The following CLSTN1 variants were observed in gnomAD, a reference collection of about 807,000 sequenced individuals.
CLSTN1 encodes the protein calsyntenin 1, also known as calsyntenin-1.
CLSTN1 carries 28 observed loss-of-function variants against 108.3 expected under a neutral mutation model. The observed-to-expected ratio is 0.26, with a 90% CI of 0.19 to 0.35. CLSTN1 has a LOEUF of 0.35. Ranked by LOEUF, CLSTN1 falls within the 10% of genes least tolerant of loss-of-function variation. The probability of loss-of-function intolerance (pLI) is 1.00; values close to 1 mark genes in which losing one functional copy is unlikely to be tolerated. For missense variants in CLSTN1, 1,157 were observed against 1,302.6 expected (o/e 0.89, Z 1.72); for synonymous variants, 524 against 534.9 (o/e 0.98, Z 0.28).
chr1:9,743,736 T>C (rs1651097611), intron 9 of CLSTN1, 148 bp downstream of exon 9: 1 of 840,734 alleles, frequency 1.2e-6, no homozygotes, highest in Non-Finnish European at 1.8e-6. Flanking sequence ...TTTTTTTTTT[T>C]TGTAGGGACA....
intron 2 of CLSTN1, among the ~76,000 whole-genome samples, chr1:9,766,159 T>C (rs1486402686): frequency 6.6e-6 from 1 of 152,152 alleles, no homozygotes; most frequent in African/African-American, 2.4e-5. Context: ...GTTCAACCAA[T>C]CTTGTAAAAC....
intron 2 of CLSTN1, among the ~76,000 whole-genome samples, chr1:9,771,992 T>C (rs1229546889): frequency 1.3e-5 from 2 of 151,718 alleles, no homozygotes; most frequent in Non-Finnish European, 2.9e-5. Flanking sequence ...TTTTTTTTTT[T>C]CTGAGACAGA....
chr1:9,735,362 A>C (rs759514749), intron 13 of CLSTN1, 105 bp downstream of exon 13: 4 of 1,507,492 alleles, frequency 2.7e-6, no homozygotes, highest in Non-Finnish European at 3.7e-6. Context: ...CTGGTTACAC[A>C]CGATGGCTCA....
chr1:9,760,045 A>T (rs1202616810), intron 2 of CLSTN1, among the ~76,000 whole-genome samples: 1 of 152,170 alleles, frequency 6.6e-6, no homozygotes, highest in African/African-American at 2.4e-5. Context: ...AGGTCTCTCC[A>T]TAGGTAAGTG....
chr1:9,760,280 C>A (rs1181459626), intron 2 of CLSTN1, among the ~76,000 whole-genome samples: 1 of 152,132 alleles, frequency 6.6e-6, no homozygotes, highest in African/African-American at 2.4e-5. Context: ...ACTTAAAAAA[C>A]CAACTCGCCA....
At chr1:9,754,082 T>C (rs1052729180) in intron 4 of CLSTN1, among the ~76,000 whole-genome samples, 4 of 152,130 alleles carry the variant, frequency 2.6e-5, no homozygotes, top group Non-Finnish European at 2.9e-5. Context: ...GCTGGGATTA[T>C]AGGTGTGAGC....
Position 9,730,236 on chromosome 1 carries a change from G to T in CLSTN1, c.*272C>A, listed in dbSNP as rs527906257. ...CCGGGGGGAGACTCCAGACACAAAC[G>T]CGGGGCCTGAGGCGCTGGGAGGCCC... On this transcript the variant is annotated 3_prime_UTR_variant, in exon 19 of 19. Coordinates refer to ENST00000377298, the MANE Select transcript of CLSTN1 (RefSeq NM_001009566.3). The surrounding 1 kb of genome is among the most constrained non-coding windows in gnomAD (Gnocchi z 5.6). 5 of 538,600 alleles carry T rather than the reference G, an allele frequency of 9.3e-6. No individual in the cohort carries two copies. Among genetic ancestry groups the T allele is most frequent in the South Asian group, 4.4e-5 (2 of 45,660 alleles). The allele number at this position is 538,600 out of a possible 1,614,324, so 33.4% of individuals were successfully genotyped here. A position where few individuals can be genotyped will look rare whatever the true frequency, so the allele number is the denominator to read the frequency against.
chr1:9,818,969 T>TC, intron 1 of CLSTN1, among the ~76,000 whole-genome samples: 1 of 150,048 alleles, frequency 6.7e-6, no homozygotes, highest in Non-Finnish European at 1.5e-5. Flanking sequence ...TGTATTTTTT[T>TC]TTAGTAGAGA....
At chr1:9,793,045 T>A (rs1357565551) in intron 1 of CLSTN1, among the ~76,000 whole-genome samples, 1 of 151,250 alleles carries the variant, frequency 6.6e-6, no homozygotes, top group African/African-American at 2.4e-5. Context: ...AGAGTCTCAA[T>A]CTGTCCGCCC....
intron 1 of CLSTN1, among the ~76,000 whole-genome samples, chr1:9,794,603 C>A (rs981348544): frequency 2.0e-5 from 3 of 151,510 alleles, no homozygotes; most frequent in Non-Finnish European, 4.4e-5. Context: ...ACCACCACGT[C>A]TGGCCTTCAA....
intron 2 of CLSTN1, among the ~76,000 whole-genome samples, chr1:9,763,389 A>C (rs1652178948): frequency 6.6e-6 from 1 of 152,230 alleles, no homozygotes; most frequent in South Asian, 2.1e-4. Flanking sequence ...ACGCTTGTTA[A>C]AAATGTGGTT....
chr1:9,817,919 G>A (rs1655038317), intron 1 of CLSTN1, among the ~76,000 whole-genome samples: 1 of 151,976 alleles, frequency 6.6e-6, no homozygotes, highest in Non-Finnish European at 1.5e-5. Flanking sequence ...CTGACACAGT[G>A]GGGAGGCTGT....
At chr1:9,731,634 G>T in intron 17 of CLSTN1, 127 bp downstream of exon 17, 1 of 1,023,608 alleles carries the variant, frequency 9.8e-7, no homozygotes, top group Non-Finnish European at 1.5e-6. Context: ...CCTTGTGTGT[G>T]ATGGGGAATA....
At chr1:9,769,155 G>A (rs1652541859) in intron 2 of CLSTN1, among the ~76,000 whole-genome samples, 1 of 149,118 alleles carries the variant, frequency 6.7e-6, no homozygotes, top group African/African-American at 2.5e-5. Context: ...GAGGGAGGAA[G>A]GGAGGGAAGG....
At chr1:9,794,610 T>G (rs1337165585) in intron 1 of CLSTN1, among the ~76,000 whole-genome samples, 1 of 151,318 alleles carries the variant, frequency 6.6e-6, no homozygotes, top group Non-Finnish European at 1.5e-5. Context: ...CGTCTGGCCT[T>G]CAATTAACTC....
At chr1:9,773,167 T>C (rs917878480) in intron 2 of CLSTN1, 105 bp downstream of exon 2, 148 of 1,467,014 alleles carry the variant, frequency 1.0e-4, no homozygotes, top group Non-Finnish European at 1.3e-4. Context: ...AACCCTCAGC[T>C]ATGGAGACAT....
chr1:9,736,166 A>C (rs986572198), intron 11 of CLSTN1, 124 bp from the exon 12 acceptor site: 1 of 1,137,252 alleles, frequency 8.8e-7, no homozygotes, highest in Non-Finnish European at 1.3e-6. Context: ...GTTAGTTCAT[A>C]CCAAGTCCTG....
At chr1:9,780,907 C>T in intron 1 of CLSTN1, 1 of 354,260 alleles carries the variant, frequency 2.8e-6, no homozygotes, top group Non-Finnish European at 5.0e-6. Flanking sequence ...GGACAGGATG[C>T]TGAATAAACT....
intron 1 of CLSTN1, among the ~76,000 whole-genome samples, chr1:9,821,397 T>A (rs1265079643): frequency 6.6e-6 from 1 of 152,252 alleles, no homozygotes; most frequent in Non-Finnish European, 1.5e-5. Context: ...CCTCCCAAAG[T>A]GCTGGGATTA....
Sources: allele counts gnomAD v4.1 joint callset (sites outside exome capture counted in the v4.1 genomes callset), GRCh38; gene constraint gnomAD v4.1.1; non-coding constraint Gnocchi (gnomAD v3.1); transcripts MANE v1.5; gene names NCBI Gene and HGNC (gene_info 2026-07-23, HGNC 2026-07-21).